The following RPTN variants were observed in gnomAD, a reference collection of about 807,000 sequenced individuals.
The protein encoded by RPTN is intermediate filament-associated protein.
In RPTN, 4 loss-of-function variants were observed where a neutral mutation model predicts 3.6. The ratio of observed to expected loss-of-function variants is 1.12; its 90% CI spans 0.55 to 2.55. The LOEUF is 2.55. Among genes scored for constraint, RPTN ranks in the 30% most tolerant of loss-of-function variants. The pLI is 0.02. For synonymous variants in RPTN, 293 were observed against 319.3 expected, an observed-to-expected ratio of 0.92 and a Z score of 0.88; for missense variants, 860 against 916.7, an observed-to-expected ratio of 0.94 and a Z score of 0.80.
rs748560610 is a variant in RPTN, at chr1:152,156,064, T to A, written c.1035A>T (p.Gln345His). Residue 345 changes from glutamine (Q) to histidine (H), a missense_variant, in exon 3 of 3, where the codon CAA (glutamine) becomes CAT (histidine). By Grantham distance (24) the Gln-to-His change is conservative. Coordinates refer to ENST00000316073, the MANE Select transcript of RPTN (RefSeq NM_001122965.1). ...DRQGQSSHYG[Q>H]MDRKGQCYHY... ...GATAACACTGGCCTTTTCTGTCCAT[T>A]TGACCATAGTGGGAACTCTGACCTT... is the stretch of plus-strand genomic sequence containing the variant. 6.3e-7 allele frequency: 1 copy of A among 1,579,118 alleles called. No homozygotes were observed. The highest frequency in any genetic ancestry group is 1.5e-5 in the African/African-American group (1 of 66,614).
chr1:152,156,661 A>G lies in RPTN; in HGVS notation c.438T>C (p.His146=), dbSNP rs746801793. The G allele has an allele frequency of 1.1e-5, 17 of 1,518,352 alleles. No individual in the cohort carries two copies. In the African/African-American group the frequency reaches 2.0e-4, roughly 18 times the overall value. 94.1% of individuals were successfully genotyped at this position (1,518,352 alleles called of 1,614,324 possible). A position where few individuals can be genotyped will look rare whatever the true frequency, so the allele number is the denominator to read the frequency against. ...QPERQDGDSH[H]GQPERQDRDS... ...CTCTGTCTTGTCTCTCAGGCTGACC[A>G]TGGTGGGAATCTCCGTCTTGTCTCT... Residue 146 remains histidine, a synonymous_variant, in exon 3 of 3, where the codon CAT becomes CAC. Coordinates refer to ENST00000316073, the MANE Select transcript of RPTN (RefSeq NM_001122965.1).
In RPTN at chr1:152,155,235, G is replaced by A. The variant is rs766218237; in HGVS notation, c.1864C>T (p.Gln622Ter). ...TGGTACCCTTCCTGTCCTGGAGTCT[G>A]TTGACTTAGCCTCCCTGATCTTCCT... ...QSGRSGRLSQ[Q>*]TPGQEGYQNQ... The change falls in exon 3 of 3, where the codon CAG (glutamine) becomes TAG (stop). Residue 622 changes from glutamine (Q) to a stop codon, truncating the protein, a stop_gained. Transcript: ENST00000316073. LOFTEE classifies it low-confidence loss of function (END_TRUNC). 5 of 1,614,228 alleles carry A rather than the reference G, an allele frequency of 3.1e-6. No individual in the cohort carries two copies. The highest frequency in any genetic ancestry group is 3.4e-6 in the Non-Finnish European group (4 of 1,180,034).
At position 152,154,945 on chromosome 1, in the gene RPTN, G is replaced by A. The variant is rs1659161944; in HGVS notation, c.2154C>T (p.Ser718=). The A allele has an allele frequency of 1.2e-6, 2 of 1,613,986 alleles. No homozygotes were observed. The highest frequency in any genetic ancestry group is 1.1e-5 in the South Asian group (1 of 91,082). The part of the protein sequence containing the change: ...EQGHQTWDRH[S]HESQEGPCGT... ...CACATGGACCTTCCTGACTCTCATG[G>A]CTGTGTCTATCCCAAGTTTGATGGC... The change falls in exon 3 of 3, where the codon AGC becomes AGT. Residue 718 remains serine, a synonymous_variant. Coordinates refer to ENST00000316073, the MANE Select transcript of RPTN (RefSeq NM_001122965.1).
chr1:152,157,399 A>C (rs2101558714), intron 2 of RPTN, among the ~76,000 whole-genome samples: 1 of 152,340 alleles, frequency 6.6e-6, no homozygotes, highest in East Asian at 1.9e-4. Flanking sequence ...GAATGAATAC[A>C]TGAAAAGATG....
chr1:152,156,289 A>T lies in RPTN; in HGVS notation c.810T>A (p.Tyr270Ter). The T allele has an allele frequency of 6.2e-7, 1 of 1,614,236 alleles. No homozygotes were observed. ...NQTNQQKSGS[Y>*]CGQSERLGQE... The stretch of plus-strand genomic sequence containing the variant: ...GACCTAGCCTCTCAGACTGTCCACA[A>T]TAAGAGCCTGATTTCTGTTGATTTG... The change falls in exon 3 of 3, where the codon TAT becomes TAA. Residue 270 changes from tyrosine to a stop codon, truncating the protein, a stop_gained. Transcript: ENST00000316073. LOFTEE classifies it low-confidence loss of function (END_TRUNC).
chr1:152,156,547 C>T lies in RPTN; in HGVS notation c.552G>A (p.Gln184=). 6.2e-7 allele frequency: 1 copy of T among 1,614,128 alleles called. No individual in the cohort carries two copies. Among genetic ancestry groups the T allele is most frequent in the Non-Finnish European group, 8.5e-7 (1 of 1,180,004 alleles). Residue 184 remains glutamine (Q), a synonymous_variant, in exon 3 of 3, where the codon CAG becomes CAA. Transcript: ENST00000316073. ...TGAAATCCTTGTCTTGTCTCTCAGA[C>T]TGATTGTGGTGAGAATCTCTGTCTT... is the stretch of plus-strand genomic sequence containing the variant. The part of the protein sequence containing the change: ...ERQDRDSHHN[Q]SERQDKDFSF...
Position 152,156,831 on chromosome 1 carries a change from C to T in RPTN, c.268G>A (p.Asp90Asn). 1.2e-6 allele frequency: 2 copies of T among 1,614,160 alleles called. No homozygotes were observed. Among genetic ancestry groups the T allele is most frequent in the East Asian group, 2.2e-5 (1 of 44,884 alleles). Reference protein sequence around the residue: ...QLVQACYHKLDNKSHGGRTSQ... With the variant: ...QLVQACYHKLNNKSHGGRTSQ... ...GTCCTGCCTCCATGTGACTTATTGT[C>T]TAGCTTATGATAGCAGGCTTGGACC... The change falls in exon 3 of 3, where the codon GAC (aspartate) becomes AAC (asparagine). Residue 90 changes from aspartate (D) to asparagine (N), a missense_variant. Coordinates refer to ENST00000316073, the MANE Select transcript of RPTN (RefSeq NM_001122965.1).
At chr1:152,158,987 G>A (rs573028235) in intron 1 of RPTN, among the ~76,000 whole-genome samples, 197 bp downstream of exon 1, 2 of 152,250 alleles carry the variant, frequency 1.3e-5, no homozygotes, top group East Asian at 1.9e-4. Context: ...TGAAGTGAAG[G>A]CATTTGCATT....
chr1:152,155,940 G>A lies in RPTN; in HGVS notation c.1159C>T (p.Gln387Ter), dbSNP rs777079905. ...TCTGTCTGACCATAGTGAGAACTCT[G>A]ATCTTGTGTGTCTGGCTGACCATAG... ...SHYGQPDTQDQSSHYGQTDRQ... is the reference protein window; with the variant it reads ...SHYGQPDTQD Residue 387 changes from glutamine to a stop codon, truncating the protein, a stop_gained, in exon 3 of 3, where the codon CAG becomes TAG. Transcript: ENST00000316073. LOFTEE classifies it low-confidence loss of function (END_TRUNC). 5.0e-6 allele frequency: 8 copies of A among 1,613,874 alleles called. No homozygotes were observed. The highest frequency in any genetic ancestry group is 4.5e-5 in the East Asian group (2 of 44,884).
chr1:152,157,641 C>A, intron 2 of RPTN, 111 bp downstream of exon 2: 170 of 929,106 alleles, frequency 1.8e-4, no homozygotes, highest in East Asian at 7.6e-4. Flanking sequence ...CCTGAAATTC[C>A]TTTTCTTACA....
Position 152,154,312 on chromosome 1 carries a change from T to C in RPTN, c.*432A>G, listed in dbSNP as rs944285330. 1 of 188,922 alleles carries C rather than the reference T, an allele frequency of 5.3e-6. No homozygotes were observed. Among genetic ancestry groups the C allele is most frequent in the African/African-American group, 2.4e-5 (1 of 42,144 alleles). 11.7% of individuals were successfully genotyped at this position (188,922 alleles called of 1,614,324 possible). On this transcript the variant is annotated 3_prime_UTR_variant, in exon 3 of 3. Coordinates refer to ENST00000316073, the MANE Select transcript of RPTN (RefSeq NM_001122965.1). The stretch of plus-strand genomic sequence containing the variant: ...CCTTGCAGGGAGATACAGCAGAGGA[T>C]AGAGGGAAGAAATACATTCTCAATC...
chr1:152,156,512 T>C lies in RPTN; in HGVS notation c.587A>G (p.Gln196Arg). The change falls in exon 3 of 3, where the codon CAG becomes CGG. Residue 196 changes from glutamine to arginine, a missense_variant. By Grantham distance (43) the Gln-to-Arg change is conservative (BLOSUM62 1). Transcript: ENST00000316073. ...GGAGTCTTGACTTTGTCTCTCTGAC[T>C]GATCAAAGCTGAAATCCTTGTCTTG... ...ERQDKDFSFDQSERQSQDSSS... is the reference protein window; with the variant it reads ...ERQDKDFSFDRSERQSQDSSS... 2 of 1,614,268 alleles carry C rather than the reference T, an allele frequency of 1.2e-6. No individual in the cohort carries two copies. The highest frequency in any genetic ancestry group is 1.7e-6 in the Non-Finnish European group (2 of 1,180,046).
In RPTN at chr1:152,154,215, G is replaced by A. The variant is rs1684065990; in HGVS notation, c.*529C>T. The A allele has an allele frequency of 6.3e-6, 1 of 158,896 alleles. No homozygotes were observed. Among genetic ancestry groups the A allele is most frequent in the Non-Finnish European group, 1.4e-5 (1 of 71,850 alleles). 9.8% of individuals were successfully genotyped at this position (158,896 alleles called of 1,614,324 possible). On this transcript the variant is annotated 3_prime_UTR_variant, in exon 3 of 3. Transcript: ENST00000316073. Reference sequence around the variant, plus strand: ...CCCAATTTACCACCTAGATTTCACTGAATCAGAAAACCCTAGAATTGCTGC... The same window carrying A: ...CCCAATTTACCACCTAGATTTCACTAAATCAGAAAACCCTAGAATTGCTGC...
At chr1:152,158,374 T>G (rs767843691) in intron 1 of RPTN, among the ~76,000 whole-genome samples, 3 of 152,200 alleles carry the variant, frequency 2.0e-5, no homozygotes, top group Non-Finnish European at 4.4e-5. Context: ...GAGCCTTTCT[T>G]AAGCAAGGAA....
chr1:152,157,107 G>A lies in RPTN; in HGVS notation c.139-147C>T, dbSNP rs559259708. On this transcript the variant is annotated intron_variant, in intron 2 of 2. Coordinates refer to ENST00000316073, the MANE Select transcript of RPTN (RefSeq NM_001122965.1). ...TAATCTGAAGTGGTGTGGACTTGGC[G>A]CTAGTCTTTGATCAGCTGGTTCTCA... 1.8e-5 allele frequency: 12 copies of A among 677,874 alleles called. No homozygotes were observed. The South Asian group carries it at 2.0e-4, about 11-fold the overall frequency. 42.0% of individuals were successfully genotyped at this position (677,874 alleles called of 1,614,324 possible).
In RPTN at chr1:152,155,171, T is replaced by C; in HGVS notation, c.1928A>G (p.Gln643Arg). ...GQGFQSRDSQ[Q>R]NGHQVWEPEE... ...AGGCTCCCATACCTGGTGGCCGTTC[T>C]GCTGTGAGTCCCTAGACTGGAATCC... Residue 643 changes from glutamine (Q) to arginine (R), a missense_variant, in exon 3 of 3, where the codon CAG becomes CGG. Coordinates refer to ENST00000316073, the MANE Select transcript of RPTN (RefSeq NM_001122965.1). 2 of 1,614,228 alleles carry C rather than the reference T, an allele frequency of 1.2e-6. No homozygotes were observed. The highest frequency in any genetic ancestry group is 1.7e-6 in the Non-Finnish European group (2 of 1,180,034).
intron 1 of RPTN, 55 bp from the exon 2 acceptor site, chr1:152,157,964 A>G (rs950851383): frequency 1.3e-6 from 2 of 1,491,954 alleles, no homozygotes; most frequent in African/African-American, 2.8e-5. Flanking sequence ...ACGAGACAGC[A>G]TTTCCAGAGG....
At chr1:152,156,993 A>G (rs1356402687) in intron 2 of RPTN, 33 bp from the exon 3 acceptor site, 2 of 1,575,278 alleles carry the variant, frequency 1.3e-6, no homozygotes, top group Non-Finnish European at 1.7e-6. Flanking sequence ...GCAAAATCAG[A>G]TGCTGTCTTG....
chr1:152,154,686 A>C lies in RPTN; in HGVS notation c.*58T>G. The C allele has an allele frequency of 6.3e-7, 1 of 1,579,806 alleles. No homozygotes were observed. The highest frequency in any genetic ancestry group is 1.2e-5 in the South Asian group (1 of 85,084). ...CCTTGATACCTCTCTTTCTCCTCATAGTTTTGTCTATTATGTTGTTGCTGA... is the reference window on the plus strand; with the variant it reads ...CCTTGATACCTCTCTTTCTCCTCATCGTTTTGTCTATTATGTTGTTGCTGA... On this transcript the variant is annotated 3_prime_UTR_variant, in exon 3 of 3. Coordinates refer to ENST00000316073, the MANE Select transcript of RPTN (RefSeq NM_001122965.1).
Sources: gnomAD v4.1 joint callset for allele counts (sites outside exome capture counted in the v4.1 genomes callset) on GRCh38, gnomAD v4.1.1 for gene constraint, MANE v1.5 for transcripts, NCBI Gene and HGNC (gene_info 2026-07-23, HGNC 2026-07-21) for gene names.